Variants in NALCN observed in about 807,000 individuals in gnomAD.
The protein encoded by NALCN is sodium leak channel NALCN.
In NALCN, 111 loss-of-function variants were observed where a neutral mutation model predicts 225.3. The observed-to-expected ratio is 0.49, with a 90% CI of 0.42 to 0.58. The LOEUF (loss-of-function observed/expected upper bound fraction) is 0.58. NALCN is among the 20% of genes least tolerant of loss of function. The probability of loss-of-function intolerance (pLI) is 0.00; values close to 1 mark genes in which losing one functional copy is unlikely to be tolerated. For missense variants in NALCN, 1,378 were observed against 2,202.4 expected (o/e 0.63, Z 7.49); for synonymous variants, 764 against 769.0 (o/e 0.99, Z 0.11).
chr13:101,352,639 A>C (rs779117089), intron 6 of NALCN, among the ~76,000 whole-genome samples: 4 of 152,224 alleles, frequency 2.6e-5, no homozygotes, highest in African/African-American at 2.4e-5. Context: ...GTGCTACCCT[A>C]AATGGATACT....
chr13:101,144,702 A>G (rs2037258053), intron 16 of NALCN, 58 bp downstream of exon 16: 4 of 1,551,912 alleles, frequency 2.6e-6, no homozygotes, highest in Non-Finnish European at 3.5e-6. Flanking sequence ...ATCAGATTTA[A>G]GATGATGAAT....
chr13:101,193,667 C>A (rs1266418024), intron 13 of NALCN, among the ~76,000 whole-genome samples: 1 of 152,176 alleles, frequency 6.6e-6, no homozygotes, highest in Non-Finnish European at 1.5e-5. Context: ...GCCCAAGAGA[C>A]AGCCACTCTC....
At chr13:101,162,715 A>T (rs563787458) in intron 15 of NALCN, among the ~76,000 whole-genome samples, 1 of 152,326 alleles carries the variant, frequency 6.6e-6, no homozygotes, top group East Asian at 1.9e-4. Flanking sequence ...GCTCTTCCTT[A>T]TCATCCTTGC....
intron 7 of NALCN, among the ~76,000 whole-genome samples, chr13:101,342,722 TC>T (rs1365796773): frequency 4.6e-5 from 7 of 152,226 alleles, no homozygotes; most frequent in Non-Finnish European, 1.0e-4. Flanking sequence ...TTTCTGTTTC[TC>T]AATCTTCTTG....
At chr13:101,256,765 C>CTTTTTT (rs59036479) in intron 11 of NALCN, among the ~76,000 whole-genome samples, 1 of 133,534 alleles carries the variant, frequency 7.5e-6, no homozygotes, top group East Asian at 2.1e-4. Flanking sequence ...CTTCTTTCTG[C>CTTTTTT]TTTTTTTTTT....
intron 34 of NALCN, 107 bp from the exon 35 acceptor site, chr13:101,076,048 G>A (rs1296046326): frequency 7.7e-6 from 6 of 779,346 alleles, no homozygotes; most frequent in Admixed American, 3.0e-5. Context: ...AGCTTAATAT[G>A]TGTAAATTAT....
intron 9 of NALCN, among the ~76,000 whole-genome samples, chr13:101,285,033 C>T (rs2043290382): frequency 6.6e-6 from 1 of 151,810 alleles, no homozygotes; most frequent in South Asian, 2.1e-4. Context: ...CCTGAGGTCG[C>T]TGTTTTACAG....
At chr13:101,130,138 T>G (rs180759695) in intron 17 of NALCN, among the ~76,000 whole-genome samples, 349 of 152,316 alleles carry the variant, frequency 2.3e-3, no homozygotes, top group Non-Finnish European at 4.0e-3. Context: ...CTTTTCTATA[T>G]GATATCTATA....
At chr13:101,090,162 T>C (rs985728624) in intron 28 of NALCN, among the ~76,000 whole-genome samples, 196 bp from the exon 29 acceptor site, 2 of 152,142 alleles carry the variant, frequency 1.3e-5, no homozygotes, top group Non-Finnish European at 2.9e-5. Flanking sequence ...ATTTTTACGC[T>C]ATATGGCATT....
intron 27 of NALCN, among the ~76,000 whole-genome samples, chr13:101,098,424 G>T (rs755646347): frequency 6.6e-6 from 1 of 152,088 alleles, no homozygotes. Flanking sequence ...GACATTTAAT[G>T]ACTATTTGTC....
chr13:101,395,100 A>C, intron 3 of NALCN, 83 bp downstream of exon 3: 1 of 1,366,484 alleles, frequency 7.3e-7, no homozygotes, highest in South Asian at 1.6e-5. Context: ...TGTTTTACTG[A>C]AATGAACAAG....
chr13:101,363,030 T>C (rs74717665), intron 6 of NALCN, among the ~76,000 whole-genome samples: 10,119 of 151,956 alleles, frequency 0.067, 1,114 homozygotes, highest in African/African-American at 0.22. Context: ...TAATTGTGAC[T>C]AAAGAAGTGA....
chr13:101,360,256 A>G (rs1050769634), intron 6 of NALCN, among the ~76,000 whole-genome samples: 14 of 122,908 alleles, frequency 1.1e-4, no homozygotes, highest in African/African-American at 3.6e-4. Flanking sequence ...CCTTCGATGG[A>G]GTTTCACTCT....
intron 15 of NALCN, among the ~76,000 whole-genome samples, chr13:101,169,860 G>C (rs1236799655): frequency 6.6e-6 from 1 of 152,234 alleles, no homozygotes; most frequent in Non-Finnish European, 1.5e-5. Flanking sequence ...GTTCTCAATA[G>C]ATAGCATTTG....
At chr13:101,201,231 T>C (rs1364277584) in intron 13 of NALCN, among the ~76,000 whole-genome samples, 1 of 152,190 alleles carries the variant, frequency 6.6e-6, no homozygotes, top group Non-Finnish European at 1.5e-5. Flanking sequence ...AGTGTACGAT[T>C]AAGTGGGTTT....
At chr13:101,095,706 G>A (rs1468072809) in intron 27 of NALCN, 26 bp from the exon 28 acceptor site, 4 of 1,544,660 alleles carry the variant, frequency 2.6e-6, no homozygotes, top group Non-Finnish European at 2.7e-6. Context: ...AAGAGGAGAG[G>A]GGAAACCTGG....
chr13:101,365,039 C>T (rs1408122715), intron 6 of NALCN, among the ~76,000 whole-genome samples: 1 of 151,922 alleles, frequency 6.6e-6, no homozygotes, highest in Non-Finnish European at 1.5e-5. Flanking sequence ...ATTTGTATTT[C>T]TTTTTCTTTT....
intron 13 of NALCN, among the ~76,000 whole-genome samples, chr13:101,219,616 T>C (rs2040862479): frequency 6.6e-6 from 1 of 152,192 alleles, no homozygotes; most frequent in Non-Finnish European, 1.5e-5. Flanking sequence ...TGCCCCAAAA[T>C]GTTAATACCT....
At chr13:101,263,280 T>C (rs560067284) in intron 10 of NALCN, among the ~76,000 whole-genome samples, 2 of 152,374 alleles carry the variant, frequency 1.3e-5, no homozygotes, top group Admixed American at 1.3e-4. Flanking sequence ...ATCAATTTAC[T>C]TGCAGAAATG....
Sources: allele counts gnomAD v4.1 joint callset (sites outside exome capture counted in the v4.1 genomes callset), GRCh38; gene constraint gnomAD v4.1.1; transcripts MANE v1.5; gene names NCBI Gene and HGNC (gene_info 2026-07-23, HGNC 2026-07-21).